Variants in RELT observed in about 807,000 individuals in gnomAD.
The protein encoded by RELT is RELT TNF receptor, also known as tumor necrosis factor receptor superfamily member 19L.
In RELT, 37 loss-of-function variants were observed where a neutral mutation model predicts 51.1. The ratio of observed to expected loss-of-function variants is 0.72; its 90% CI spans 0.56 to 0.95. The LOEUF is 0.95. Among genes scored for constraint, RELT ranks in the 40% least tolerant of loss-of-function variants. The pLI, the probability that RELT is intolerant of heterozygous loss-of-function variation, is 0.00. For missense variants in RELT, 535 were observed against 572.6 expected, an observed-to-expected ratio of 0.93 and a Z score of 0.67; for synonymous variants, 241 against 235.7, an observed-to-expected ratio of 1.02 and a Z score of -0.21.
chr11:73,383,593 A>G (rs1425551204), intron 1 of RELT, among the ~76,000 whole-genome samples: 1 of 152,192 alleles, frequency 6.6e-6, no homozygotes, highest in African/African-American at 2.4e-5. Context: ...GACATTTACT[A>G]TGTGCCAGGT....
chr11:73,393,636 C>T lies in RELT; in HGVS notation c.626-201C>T, dbSNP rs1430839059. The T allele has an allele frequency of 6.5e-6, 10 of 1,533,130 alleles. No individual in the cohort carries two copies. In the Admixed American group the frequency reaches 1.6e-4, roughly 24 times the overall value. 95.0% of individuals were successfully genotyped at this position (1,533,130 alleles called of 1,614,324 possible). On this transcript the variant is annotated intron_variant, in intron 6 of 10. Transcript: ENST00000064780. ...CCCGGGCTGTTGGGTGCAGGAAGCA[C>T]TGGTGTTGAATCATGAAGGTGATAT...
In RELT at chr11:73,382,122, A is replaced by C. The variant is rs143258333; in HGVS notation, c.-26+5623A>C. ...AGTCTGAACCCTGGTGGGTTGCTCC[A>C]GGGCCCAACCTTGTCTCCTCCCTGC... On this transcript the variant is annotated intron_variant, in intron 1 of 10. Coordinates refer to ENST00000064780, the MANE Select transcript of RELT (RefSeq NM_152222.2). 2.7e-3 allele frequency among the ~76,000 whole-genome samples: 404 copies of C among 152,334 alleles called. 4 individuals carry two copies. The highest frequency in any genetic ancestry group is 8.9e-3 in the African/African-American group (371 of 41,562).
chr11:73,394,648 C>T lies in RELT; in HGVS notation c.960C>T (p.Pro320=). ...PEAVAATTPV[P]SLLPNPTRVP... is the part of the protein sequence containing the mutation. ...CTGTAGCCGCCACTACTCCTGTTCC[C>T]AGCCTTCTGCCTAACCCGACCAGGG... The change falls in exon 9 of 11, where the codon CCC becomes CCT. Residue 320 remains proline (P), a synonymous_variant. Coordinates refer to ENST00000064780, the MANE Select transcript of RELT (RefSeq NM_152222.2). This position sits in a 1 kb window ranked among gnomAD's most constrained non-coding sequence, Gnocchi z 4.9. The T allele has an allele frequency of 1.9e-6, 3 of 1,613,856 alleles. No individual in the cohort carries two copies. Among genetic ancestry groups the T allele is most frequent in the African/African-American group, 2.7e-5 (2 of 75,072 alleles).
rs776068466 is a variant in RELT at position 73,391,186 on chromosome 11, A to G, written c.330A>G (p.Pro110=). Residue 110 remains proline, a synonymous_variant, in exon 5 of 11, where the codon CCA becomes CCG. Transcript: ENST00000064780. The part of the protein sequence containing the change: ...PWGVPRVPCQ[P]CSWAPLGTHG... The stretch of plus-strand genomic sequence containing the variant: ...GGGTTCCCCGCGTTCCATGTCAACC[A>G]TGTTCCTGGGCACCTCTGGGTACTC... The G allele has an allele frequency of 6.2e-7, 1 of 1,613,842 alleles. No individual in the cohort carries two copies. The highest frequency in any genetic ancestry group is 8.5e-7 in the Non-Finnish European group (1 of 1,179,920).
In RELT at chr11:73,394,027, C is replaced by A. The variant is rs1866264527; in HGVS notation, c.706+110C>A. On this transcript the variant is annotated intron_variant, in intron 7 of 10. Coordinates refer to ENST00000064780, the MANE Select transcript of RELT (RefSeq NM_152222.2). This position sits in a 1 kb window ranked among gnomAD's most constrained non-coding sequence, Gnocchi z 4.9. The stretch of plus-strand genomic sequence containing the variant: ...GTCTTGCCCTGCTCTGCCTTCCCTG[C>A]CAGGGTGCCTCAAGCAGCCTGGTGC... 1.7e-6 allele frequency: 2 copies of A among 1,170,888 alleles called. No individual in the cohort carries two copies. Among genetic ancestry groups the A allele is most frequent in the Non-Finnish European group, 2.5e-6 (2 of 787,750 alleles). The allele number at this position is 1,170,888 out of a possible 1,614,324, so 72.5% of individuals were successfully genotyped here. A position where few individuals can be genotyped will look rare whatever the true frequency, so the allele number is the denominator to read the frequency against.
At chr11:73,383,510 A>G (rs1449354744) in intron 1 of RELT, among the ~76,000 whole-genome samples, 1 of 152,160 alleles carries the variant, frequency 6.6e-6, no homozygotes, top group Non-Finnish European at 1.5e-5. Flanking sequence ...TTAGTAACAG[A>G]CCCTCAGTTG....
chr11:73,389,380 A>G (rs774704149), intron 2 of RELT, among the ~76,000 whole-genome samples, 199 bp downstream of exon 2: 23 of 152,326 alleles, frequency 1.5e-4, no homozygotes, highest in Non-Finnish European at 3.2e-4. Context: ...TGGAGAATGA[A>G]GGGCTTGCTG....
rs748389143 is a variant in RELT, at chr11:73,390,795, G to A, written c.161G>A (p.Gly54Asp). ...QGTLCRPCPPGTFSAAWGSSP... is the reference protein window; with the variant it reads ...QGTLCRPCPPDTFSAAWGSSP... ...ACATTATGCAGGCCCTGCCCCCCAGGCACCTTCTCAGCTGCATGGGGCTCC... is the reference window on the plus strand; with the variant it reads ...ACATTATGCAGGCCCTGCCCCCCAGACACCTTCTCAGCTGCATGGGGCTCC... Residue 54 changes from glycine to aspartate, a missense_variant, in exon 4 of 11, where the codon GGC becomes GAC. Gly to Asp is a moderately conservative substitution (Grantham distance 94, BLOSUM62 -1). Coordinates refer to ENST00000064780, the MANE Select transcript of RELT (RefSeq NM_152222.2). The A allele has an allele frequency of 1.9e-5, 31 of 1,611,238 alleles. No individual in the cohort carries two copies. The highest frequency in any genetic ancestry group is 2.5e-5 in the Non-Finnish European group (30 of 1,179,162).
chr11:73,391,327 G>A, intron 5 of RELT, 104 bp downstream of exon 5: 1 of 1,045,698 alleles, frequency 9.6e-7, no homozygotes, highest in Non-Finnish European at 1.4e-6. Flanking sequence ...GGGCAGTGGG[G>A]TCCTTCTTCC....
chr11:73,394,751 T>TGCAGCAGGGGCAGGTAAAGACGTG lies in RELT; in HGVS notation c.1046+18_1046+41dup. On this transcript the variant is annotated intron_variant, in intron 9 of 10. Coordinates refer to ENST00000064780, the MANE Select transcript of RELT (RefSeq NM_152222.2). This position sits in a 1 kb window ranked among gnomAD's most constrained non-coding sequence, Gnocchi z 4.9. ...TGTGGGCAGGTGAGATGGGCACAGA[T>TGCAGCAGGGGCAGGTAAAGACGTG]GCAGCAGGGGCAGGTAAAGACGTGA... is the stretch of plus-strand genomic sequence containing the variant. 10 of 1,601,896 alleles carry TGCAGCAGGGGCAGGTAAAGACGTG rather than the reference T, an allele frequency of 6.2e-6. No individual in the cohort carries two copies. Among genetic ancestry groups the TGCAGCAGGGGCAGGTAAAGACGTG allele is most frequent in the Non-Finnish European group, 8.5e-6 (10 of 1,177,622 alleles).
chr11:73,380,843 G>A (rs1325959781), intron 1 of RELT, among the ~76,000 whole-genome samples: 2 of 152,202 alleles, frequency 1.3e-5, no homozygotes, highest in African/African-American at 4.8e-5. Context: ...ATCGATGGGG[G>A]AGCAGGGATG....
chr11:73,393,798 C>A, intron 6 of RELT, 39 bp from the exon 7 acceptor site: 3 of 1,560,018 alleles, frequency 1.9e-6, no homozygotes, highest in Non-Finnish European at 1.7e-6. Flanking sequence ...AGTGCGGCTT[C>A]CCCCTCTTCC....
chr11:73,378,680 G>T (rs1031709108), intron 1 of RELT, among the ~76,000 whole-genome samples: 1 of 152,224 alleles, frequency 6.6e-6, no homozygotes, highest in South Asian at 2.1e-4. Context: ...TAAGTATGAT[G>T]TGTGTGTGTG....
intron 2 of RELT, among the ~76,000 whole-genome samples, chr11:73,389,964 T>G (rs1245488209): frequency 6.6e-6 from 1 of 152,180 alleles, no homozygotes; most frequent in African/African-American, 2.4e-5. Flanking sequence ...GGACACACAC[T>G]GAGAAGATGG....
chr11:73,395,576 T>C lies in RELT; in HGVS notation c.*85T>C, dbSNP rs913671597. The stretch of plus-strand genomic sequence containing the variant: ...GAGGAGGTGGAGCTGCAGCTGGGAC[T>C]GTGAGGACCGAGAAGCAATGGCCCA... On this transcript the variant is annotated 3_prime_UTR_variant, in exon 11 of 11. Coordinates refer to ENST00000064780, the MANE Select transcript of RELT (RefSeq NM_152222.2). 3 of 774,554 alleles carry C rather than the reference T, an allele frequency of 3.9e-6. No homozygotes were observed. The African/African-American group carries it at 5.1e-5, about 13-fold the overall frequency. 48.0% of individuals were successfully genotyped at this position (774,554 alleles called of 1,614,324 possible). A position where few individuals can be genotyped will look rare whatever the true frequency, so the allele number is the denominator to read the frequency against.
Position 73,392,237 on chromosome 11 carries a change from G to T in RELT, c.394G>T (p.Val132Leu), listed in dbSNP as rs747424072. The T allele has an allele frequency of 6.2e-7, 1 of 1,612,350 alleles. No homozygotes were observed. The highest frequency in any genetic ancestry group is 1.1e-5 in the South Asian group (1 of 90,966). The change falls in exon 6 of 11, where the codon GTG becomes TTG. Residue 132 changes from valine (V) to leucine (L), a missense_variant. Physicochemically the swap from Val to Leu is conservative, Grantham distance 32 (BLOSUM62 1). Transcript: ENST00000064780. Reference sequence around the variant, plus strand: ...GTGGGGGCGGCGGGCCCGACGTGGCGTGGAGGTGGCAGCAGGGGCCAGCAG... The same window carrying T: ...GTGGGGGCGGCGGGCCCGACGTGGCTTGGAGGTGGCAGCAGGGGCCAGCAG... ...DEWGRRARRG[V>L]EVAAGASSGG...
At chr11:73,393,325 G>T in intron 6 of RELT, 1 of 1,041,744 alleles carries the variant, frequency 9.6e-7, no homozygotes. Flanking sequence ...TGGGAGCTCT[G>T]TTTGCTGCTG....
intron 5 of RELT, 91 bp downstream of exon 5, chr11:73,391,314 T>C (rs1866211870): frequency 8.8e-7 from 1 of 1,133,396 alleles, no homozygotes. Flanking sequence ...AGTGTTCATG[T>C]GGGGGCAGTG....
intron 1 of RELT, among the ~76,000 whole-genome samples, chr11:73,383,045 C>T (rs2186552): frequency 1.3e-5 from 2 of 152,220 alleles, no homozygotes; most frequent in African/African-American, 2.4e-5. Context: ...GCCAGGAGGT[C>T]TGAGGTGCAG....
Sources: allele counts gnomAD v4.1 joint callset (sites outside exome capture counted in the v4.1 genomes callset), GRCh38; gene constraint gnomAD v4.1.1; non-coding constraint Gnocchi (gnomAD v3.1); transcripts MANE v1.5; gene names NCBI Gene and HGNC (gene_info 2026-07-23, HGNC 2026-07-21).